Variants in UNC79 observed in about 807,000 individuals in gnomAD.
The protein encoded by UNC79 is protein unc-79 homolog.
A neutral mutation model predicts 283.1 loss-of-function variants in UNC79; 37 were observed. The ratio of observed to expected loss-of-function variants is 0.13; its 90% confidence interval spans 0.10 to 0.17. UNC79 has a LOEUF of 0.17. Among genes scored for constraint, UNC79 ranks in the 10% least tolerant of loss-of-function variants. UNC79 has a pLI of 1.00. For synonymous variants in UNC79, 1,107 were observed against 1,200.2 expected, an observed-to-expected ratio of 0.92 and a Z score of 1.61; for missense variants, 2,272 against 3,211.1, an observed-to-expected ratio of 0.71 and a Z score of 7.07.
chr14:93,673,575 A>G, intron 41 of UNC79, 120 bp downstream of exon 44: 2 of 721,262 alleles, frequency 2.8e-6, no homozygotes, highest in Middle Eastern at 2.5e-4. Flanking sequence ...GATAAATAAT[A>G]TATCTTATAT....
In UNC79 at chr14:93,334,449, G is replaced by C. The variant is rs1181975738; in HGVS notation, c.-351+926G>C. On this transcript the variant is annotated intron_variant, in intron 1 of 49. Coordinates refer to the UNC79 transcript ENST00000256339. Reference sequence around the variant, plus strand: ...TCAGTTGAACATACAGCCTCAGGGCGATAGACAAGAAATGCATGGAAAAGT... The same window carrying C: ...TCAGTTGAACATACAGCCTCAGGGCCATAGACAAGAAATGCATGGAAAAGT... The C allele has an allele frequency of 2.0e-5, 3 of 152,330 alleles. 1 individual carries two copies. The highest frequency in any genetic ancestry group is 2.0e-4 in the Admixed American group (3 of 15,302). 9.4% of individuals were successfully genotyped at this position (152,330 alleles called of 1,614,324 possible). A position where few individuals can be genotyped will look rare whatever the true frequency, so the allele number is the denominator to read the frequency against.
chr14:93,555,310 TAC>T (rs2062110194), intron 14 of UNC79, among the ~76,000 whole-genome samples: 5 of 156 alleles, frequency 0.032, no homozygotes, highest in African/African-American at 0.091. Context: ...AGACATCACA[TAC>T]ATACATGACA....
At chr14:93,702,415 C>T (rs2075599242) in intron 47 of UNC79, among the ~76,000 whole-genome samples, 1 of 152,170 alleles carries the variant, frequency 6.6e-6, no homozygotes, top group South Asian at 2.1e-4. Flanking sequence ...AACAGAAACA[C>T]TACGTTTAGG....
At chr14:93,644,036 GTTA>G (rs1466521780) in intron 34 of UNC79, among the ~76,000 whole-genome samples, 2 of 152,150 alleles carry the variant, frequency 1.3e-5, no homozygotes, top group East Asian at 1.9e-4. Flanking sequence ...AGTATTACCT[GTTA>G]TTATTATTTC....
chr14:93,347,158 G>A (rs1284465027), intron 1 of UNC79: 6 of 1,331,398 alleles, frequency 4.5e-6, no homozygotes, highest in Middle Eastern at 1.9e-4. Flanking sequence ...GCGCCCCCTC[G>A]TGGCTGGGGC....
chr14:93,600,887 G>A, intron 25 of UNC79, 117 bp downstream of exon 25: 1 of 1,070,056 alleles, frequency 9.3e-7, no homozygotes, highest in Non-Finnish European at 1.3e-6. Flanking sequence ...TTGACCTCAT[G>A]CACTCAATTC....
At chr14:93,519,992 AAC>A in intron 7 of UNC79, among the ~76,000 whole-genome samples, 2 of 152,050 alleles carry the variant, frequency 1.3e-5, no homozygotes, top group East Asian at 3.9e-4. Flanking sequence ...TACCATGTCC[AAC>A]ACTCTTTATG....
chr14:93,707,808 C>T (rs2075951655), downstream of UNC79: 1 of 152,224 alleles, frequency 6.6e-6, no homozygotes, highest in East Asian at 1.9e-4. Context: ...CTGTAATGCA[C>T]TGACTAACAG....
rs138709654 is a variant in UNC79 at position 93,649,960 on chromosome 14, C to T, written c.6083+3314C>T. Among the ~76,000 whole-genome samples the T allele has an allele frequency of 5.7e-4, 87 of 152,272 alleles. No homozygotes were observed. In the East Asian group the frequency reaches 0.013, roughly 23 times the overall value. ...TACCATTATTCCCAGAAAGTTCTCT[C>T]GTGCACGTTTCCAGCTAATCTCTAC... On this transcript the variant is annotated intron_variant, in intron 35 of 48. Coordinates refer to ENST00000555664, the Ensembl canonical transcript of UNC79.
intron 1 of UNC79, among the ~76,000 whole-genome samples, chr14:93,435,470 C>T (rs1307005805): frequency 6.6e-6 from 1 of 152,114 alleles, no homozygotes; most frequent in African/African-American, 2.4e-5. Context: ...TTTTTAAAAT[C>T]CCACAGACTC....
intron 13 of UNC79, among the ~76,000 whole-genome samples, 172 bp from the exon 14 acceptor site, chr14:93,542,294 T>G (rs1347104463): frequency 2.0e-5 from 3 of 152,232 alleles, no homozygotes; most frequent in South Asian, 4.1e-4. Flanking sequence ...CATCTATCCC[T>G]GTAGAAAGGA....
At chr14:93,437,876 A>T (rs532561539) in intron 1 of UNC79, among the ~76,000 whole-genome samples, 9 of 152,230 alleles carry the variant, frequency 5.9e-5, no homozygotes, top group Admixed American at 3.3e-4. Flanking sequence ...ATCCAGTATG[A>T]CCTTATCTTA....
intron 11 of UNC79, among the ~76,000 whole-genome samples, chr14:93,533,360 A>C (rs185088553): frequency 1.8e-4 from 28 of 152,294 alleles, no homozygotes; most frequent in Admixed American, 1.7e-3. Context: ...TATGGCAACC[A>C]ATTATTTAAT....
In UNC79 at chr14:93,610,130, G is replaced by A. The variant is rs550101205; in HGVS notation, c.3755-2667G>A. ...TTAGAAACATGCCCACTTGTAATGA[G>A]AAGAAGGGTTTTTAAATATTTAAGC... On this transcript the variant is annotated intron_variant, in intron 26 of 48. Transcript: ENST00000555664. Among the ~76,000 whole-genome samples the A allele has an allele frequency of 2.4e-4, 36 of 152,230 alleles. No individual in the cohort carries two copies. In the South Asian group the frequency reaches 7.3e-3, roughly 31 times the overall value.
At chr14:93,436,496 A>C (rs1481400458) in intron 1 of UNC79, among the ~76,000 whole-genome samples, 1 of 151,974 alleles carries the variant, frequency 6.6e-6, no homozygotes. Context: ...TTTTTTTTTA[A>C]GATAAAGTGG....
intron 10 of UNC79, 89 bp from the exon 11 acceptor site, chr14:93,532,461 C>A (rs914026962): frequency 3.4e-6 from 5 of 1,464,828 alleles, no homozygotes; most frequent in Non-Finnish European, 4.6e-6. Flanking sequence ...CAGAGTGAGC[C>A]ACTGTCTCAA....
At chr14:93,540,500 TC>T in intron 12 of UNC79, among the ~76,000 whole-genome samples, 159 bp from the exon 13 acceptor site, 2 of 152,042 alleles carry the variant, frequency 1.3e-5, no homozygotes, top group Admixed American at 6.5e-5. Context: ...CTGGAGTAAC[TC>T]AGGATGCACA....
intron 1 of UNC79, among the ~76,000 whole-genome samples, chr14:93,376,493 C>T (rs1956542): frequency 0.16 from 24,933 of 152,130 alleles, 2,650 homozygotes; most frequent in Admixed American, 0.25. Context: ...ATCCTATACA[C>T]ATATACACAT....
At chr14:93,616,366 C>CTTTTTTTTTTTTTTTT (rs71463917) in intron 27 of UNC79, among the ~76,000 whole-genome samples, 1 of 96,244 alleles carries the variant, frequency 1.0e-5, no homozygotes, top group Non-Finnish European at 2.1e-5. Flanking sequence ...TTCTTTTTTC[C>CTTTTTTTTTTTTTTTT]TTTTTTTTTT....
Sources: allele counts gnomAD v4.1 joint callset (sites outside exome capture counted in the v4.1 genomes callset), GRCh38; gene constraint gnomAD v4.1.1; transcripts MANE v1.5; gene names NCBI Gene and HGNC (gene_info 2026-07-23, HGNC 2026-07-21).